Variants in LTBP1 observed in about 807,000 individuals in gnomAD.
The protein encoded by LTBP1 is latent transforming growth factor beta binding protein 1.
A neutral mutation model predicts 207.6 loss-of-function variants in LTBP1; 129 were observed. That is an observed-to-expected ratio of 0.62 (90% CI 0.54 to 0.72). LTBP1 has a LOEUF of 0.72. LTBP1 is among the 30% of genes least tolerant of loss of function. LTBP1 has a pLI of 0.00. For synonymous variants in LTBP1, 963 were observed against 833.7 expected, an observed-to-expected ratio of 1.16 and a Z score of -2.67; for missense variants, 2,281 against 2,217.2, an observed-to-expected ratio of 1.03 and a Z score of -0.58.
At chr2:33,137,348 A>T (rs1377713201) in intron 5 of LTBP1, among the ~76,000 whole-genome samples, 1 of 152,258 alleles carries the variant, frequency 6.6e-6, no homozygotes, top group Non-Finnish European at 1.5e-5. Context: ...GTCACTTGTC[A>T]GCTACTCCCT....
intron 15 of LTBP1, among the ~76,000 whole-genome samples, chr2:33,267,083 C>T (rs1398374392): frequency 6.6e-6 from 1 of 152,252 alleles, no homozygotes; most frequent in Non-Finnish European, 1.5e-5. Flanking sequence ...GATGCTGGTG[C>T]CTGCAGCAGA....
At chr2:33,255,912 C>G (rs1274481496) in intron 11 of LTBP1, among the ~76,000 whole-genome samples, 1 of 152,102 alleles carries the variant, frequency 6.6e-6, no homozygotes, top group African/African-American at 2.4e-5. Context: ...TCCTTGGTGT[C>G]TACATTTGGT....
At chr2:33,162,729 A>G (rs1442365673) in intron 5 of LTBP1, among the ~76,000 whole-genome samples, 1 of 152,224 alleles carries the variant, frequency 6.6e-6, no homozygotes, top group Non-Finnish European at 1.5e-5. Flanking sequence ...AAGGGGATTA[A>G]TGACATAATT....
At chr2:33,293,392 A>C in intron 20 of LTBP1, 110 bp downstream of exon 20, 1 of 1,055,594 alleles carries the variant, frequency 9.5e-7, no homozygotes, top group Non-Finnish European at 1.3e-6. Flanking sequence ...ATTTTGACCG[A>C]GCGACTTAGA....
At chr2:33,152,538 C>T (rs1169841708) in intron 5 of LTBP1, among the ~76,000 whole-genome samples, 3 of 152,182 alleles carry the variant, frequency 2.0e-5, no homozygotes, top group Admixed American at 6.5e-5. Context: ...AGTAGAACTA[C>T]CATTTGATCC....
intron 2 of LTBP1, among the ~76,000 whole-genome samples, chr2:32,991,312 C>G (rs1048484925): frequency 6.6e-6 from 1 of 152,190 alleles, no homozygotes; most frequent in Non-Finnish European, 1.5e-5. Context: ...GCTCATTACA[C>G]ACTATTGTTC....
intron 7 of LTBP1, among the ~76,000 whole-genome samples, chr2:33,199,401 G>A (rs369121509): frequency 2.0e-5 from 3 of 152,064 alleles, no homozygotes; most frequent in African/African-American, 7.2e-5. Context: ...GGGTTCTGTA[G>A]ATGTCTTTGA....
chr2:33,260,858 T>A (rs2092990788), intron 13 of LTBP1, among the ~76,000 whole-genome samples: 1 of 152,208 alleles, frequency 6.6e-6, no homozygotes, highest in Non-Finnish European at 1.5e-5. Context: ...CTTCTGTCTT[T>A]ATGATTGAAT....
At chr2:33,000,147 C>G (rs192351913) in intron 2 of LTBP1, among the ~76,000 whole-genome samples, 1 of 135,504 alleles carries the variant, frequency 7.4e-6, no homozygotes, top group East Asian at 3.8e-4. Context: ...TGTGATCTGG[C>G]TGATTCTCAG....
At chr2:33,161,423 C>T (rs566028826) in intron 5 of LTBP1, among the ~76,000 whole-genome samples, 29 of 152,220 alleles carry the variant, frequency 1.9e-4, no homozygotes, top group African/African-American at 6.7e-4. Flanking sequence ...CCCGCCACCA[C>T]ACCCAGCTAA....
chr2:33,252,044 G>A (rs1196813030), intron 10 of LTBP1, among the ~76,000 whole-genome samples: 3 of 152,208 alleles, frequency 2.0e-5, no homozygotes, highest in African/African-American at 7.2e-5. Context: ...TACTTTTGCA[G>A]TGTTTTCCGA....
At chr2:33,147,542 A>G (rs1247277318) in intron 5 of LTBP1, among the ~76,000 whole-genome samples, 2 of 152,240 alleles carry the variant, frequency 1.3e-5, no homozygotes, top group African/African-American at 4.8e-5. Flanking sequence ...TGAGCCTGAT[A>G]CTATATTAGG....
chr2:33,361,630 T>G, intron 28 of LTBP1, 115 bp downstream of exon 28: 4 of 646,838 alleles, frequency 6.2e-6, no homozygotes, highest in Non-Finnish European at 1.0e-5. Flanking sequence ...GAAAACTGAT[T>G]ACAAAGTCCT....
At chr2:33,031,322 G>A (rs1335914482) in intron 3 of LTBP1, among the ~76,000 whole-genome samples, 2 of 152,202 alleles carry the variant, frequency 1.3e-5, no homozygotes, top group East Asian at 1.9e-4. Flanking sequence ...AACTGGTTGC[G>A]TTATCTCTGG....
intron 3 of LTBP1, among the ~76,000 whole-genome samples, chr2:33,059,725 G>A (rs2077174709): frequency 6.7e-6 from 1 of 149,908 alleles, no homozygotes; most frequent in Non-Finnish European, 1.5e-5. Context: ...CTTTGCAAGA[G>A]GGAGACTTTT....
intron 4 of LTBP1, among the ~76,000 whole-genome samples, chr2:33,118,199 A>C (rs1572710368): frequency 6.6e-6 from 1 of 150,816 alleles, no homozygotes. Context: ...GCAAAAAAAA[A>C]AAAACAAAAA....
At chr2:33,066,612 T>A (rs780228664) in intron 3 of LTBP1, among the ~76,000 whole-genome samples, 3 of 152,224 alleles carry the variant, frequency 2.0e-5, no homozygotes, top group Non-Finnish European at 4.4e-5. Context: ...ACTGTAACTG[T>A]GCTAAAAGAA....
At chr2:33,254,884 G>C (rs921891240) in intron 11 of LTBP1, among the ~76,000 whole-genome samples, 1 of 31,428 alleles carries the variant, frequency 3.2e-5, no homozygotes, top group African/African-American at 1.5e-4. Context: ...TTTTTTTTTT[G>C]TATTTTCTAT....
intron 26 of LTBP1, among the ~76,000 whole-genome samples, chr2:33,349,421 C>G (rs559472397): frequency 2.1e-4 from 31 of 150,898 alleles, no homozygotes; most frequent in Non-Finnish European, 3.2e-4. Context: ...GCCTGAGCAA[C>G]AGAGCCAGAT....
Sources: allele counts gnomAD v4.1 joint callset (sites outside exome capture counted in the v4.1 genomes callset), GRCh38; gene constraint gnomAD v4.1.1; transcripts MANE v1.5; gene names NCBI Gene and HGNC (gene_info 2026-07-23, HGNC 2026-07-21).